C16orf96: variants seen among roughly 807,000 people sequenced by gnomAD.
The protein encoded by C16orf96 is uncharacterized protein C16orf96.
In C16orf96, 108 loss-of-function variants were observed where a neutral mutation model predicts 103.6. The ratio of observed to expected loss-of-function variants is 1.04; its 90% CI spans 0.89 to 1.22. The LOEUF (loss-of-function observed/expected upper bound fraction) is 1.22. C16orf96 is among the 50% of genes most tolerant of loss of function. C16orf96 has a pLI of 0.00. For synonymous variants in C16orf96, 566 were observed against 593.5 expected, an observed-to-expected ratio of 0.95 and a Z score of 0.67; for missense variants, 1,586 against 1,464.2, an observed-to-expected ratio of 1.08 and a Z score of -1.36.
chr16:4,577,765 G>A (rs547511454), intron 5 of C16orf96, among the ~76,000 whole-genome samples: 1 of 152,180 alleles, frequency 6.6e-6, no homozygotes, highest in Non-Finnish European at 1.5e-5. Context: ...AGACCAGCCT[G>A]GCCAACATAG....
intron 9 of C16orf96, among the ~76,000 whole-genome samples, chr16:4,588,701 C>CTTTTTTTTTTTTTTTTTTTT: frequency 1.2e-5 from 1 of 80,294 alleles, no homozygotes. Flanking sequence ...GCAGCAATGT[C>CTTTTTTTTTTTTTTTTTTTT]TTTTTTTTTT....
At chr16:4,548,983 C>A in the C16orf96 span, among the ~76,000 whole-genome samples, 1 of 152,056 alleles carries the variant, frequency 6.6e-6, no homozygotes, top group African/African-American at 2.4e-5. Context: ...CCTTCCTTGC[C>A]TTTCCTTTCC....
At chr16:4,585,548 G>GCCTCC (rs1896905074) in intron 7 of C16orf96, among the ~76,000 whole-genome samples, 1 of 152,224 alleles carries the variant, frequency 6.6e-6, no homozygotes, top group Non-Finnish European at 1.5e-5. Context: ...GGGCTGGGAG[G>GCCTCC]GGGCCTGGAG....
chr16:4,563,010 T>C, intron 1 of C16orf96: 1 of 1,047,292 alleles, frequency 9.5e-7, no homozygotes, highest in Non-Finnish European at 1.5e-6. Context: ...CTGAAACATG[T>C]TACCATCTCT....
chr16:4,588,266 G>T lies in C16orf96; in HGVS notation c.2527G>T (p.Val843Phe). ...GATGATTCAGGGCATACTCTTCAAG[G>T]TCACGATCCATGAGGACAGCTGGAA... ...NEMIQGILFK[V>F]TIHEDSWKKA... Residue 843 changes from valine to phenylalanine, a missense_variant, in exon 9 of 16, where the codon GTC (valine) becomes TTC (phenylalanine). By Grantham distance (50) the Val-to-Phe change is conservative (BLOSUM62 -1). Coordinates refer to ENST00000444310, the MANE Select transcript of C16orf96 (RefSeq NM_001145011.2). The T allele has an allele frequency of 6.4e-7, 1 of 1,551,748 alleles. No homozygotes were observed. The highest frequency in any genetic ancestry group is 2.0e-5 in the Admixed American group (1 of 51,004).
intron 1 of C16orf96, among the ~76,000 whole-genome samples, chr16:4,563,842 T>G (rs963739497): frequency 4.6e-5 from 7 of 150,930 alleles, no homozygotes; most frequent in African/African-American, 1.7e-4. Flanking sequence ...GTGCTGGGAT[T>G]ACAGGCATGA....
intron 14 of C16orf96, among the ~76,000 whole-genome samples, chr16:4,595,690 T>TGTTG (rs1555440702): frequency 3.3e-5 from 5 of 150,720 alleles, no homozygotes; most frequent in South Asian, 2.1e-4. Context: ...ATTCTGGTTT[T>TGTTG]TTGTTGTTGT....
At chr16:4,563,047 CAG>C in intron 1 of C16orf96, 1 of 889,166 alleles carries the variant, frequency 1.1e-6, no homozygotes, top group Non-Finnish European at 1.9e-6. Context: ...CAGAAGATGA[CAG>C]AGCTCTCCAA....
In C16orf96 at chr16:4,593,392, C is replaced by T; in HGVS notation, c.2867+76C>T. 2 of 1,340,380 alleles carry T rather than the reference C, an allele frequency of 1.5e-6. No individual in the cohort carries two copies. Among genetic ancestry groups the T allele is most frequent in the Non-Finnish European group, 2.1e-6 (2 of 966,402 alleles). 83.0% of individuals were successfully genotyped at this position (1,340,380 alleles called of 1,614,324 possible). On this transcript the variant is annotated intron_variant, in intron 12 of 15. Transcript: ENST00000444310. This position sits in a 1 kb window ranked among gnomAD's most constrained non-coding sequence, Gnocchi z 4.2. The stretch of plus-strand genomic sequence containing the variant: ...CTGGAGCCTGGGAACCCTGTTCCTG[C>T]AGAGACACATCCTCCAGGCCCAGGG...
At chr16:4,582,306 AAATAAATAAATAAATAAAT>A (rs1555506468) in intron 7 of C16orf96, among the ~76,000 whole-genome samples, 3 of 20,700 alleles carry the variant, frequency 1.4e-4, no homozygotes, top group Non-Finnish European at 8.5e-4. Flanking sequence ...ATAAATAAAT[AAATAAATAAATAAATAAAT>A]AATAACCCAC....
At chr16:4,596,586 G>A (rs983764113) in intron 14 of C16orf96, among the ~76,000 whole-genome samples, 1 of 152,112 alleles carries the variant, frequency 6.6e-6, no homozygotes, top group African/African-American at 2.4e-5. Context: ...GGAGGCTGAG[G>A]CAGGAGGATC....
chr16:4,587,968 C>T (rs1031805817), intron 8 of C16orf96, among the ~76,000 whole-genome samples, 199 bp from the exon 9 acceptor site: 4 of 152,106 alleles, frequency 2.6e-5, no homozygotes, highest in Non-Finnish European at 4.4e-5. Context: ...AATACATCAA[C>T]TTCCCTGTTA....
At chr16:4,588,064 G>C (rs1175082473) in intron 8 of C16orf96, 103 bp from the exon 9 acceptor site, 1 of 1,211,860 alleles carries the variant, frequency 8.3e-7, no homozygotes, top group African/African-American at 1.5e-5. Flanking sequence ...TAAAAGTCCA[G>C]AGTCCCAAAC....
chr16:4,563,562 T>C (rs1315931383), intron 1 of C16orf96, among the ~76,000 whole-genome samples: 1 of 151,320 alleles, frequency 6.6e-6, no homozygotes, highest in African/African-American at 2.4e-5. Context: ...TCTGTTAACC[T>C]TTTTTTTGTT....
At chr16:4,591,844 C>G in intron 10 of C16orf96, 60 bp downstream of exon 10, 1 of 1,295,948 alleles carries the variant, frequency 7.7e-7, no homozygotes, top group Non-Finnish European at 1.1e-6. Context: ...GTGGGGAACA[C>G]ACCCTGGAAG....
rs770945405 is a variant in C16orf96, at chr16:4,576,451, C to T, written c.1971C>T (p.Ile657=). 8.4e-6 allele frequency: 13 copies of T among 1,551,256 alleles called. No homozygotes were observed. The highest frequency in any genetic ancestry group is 3.9e-5 in the Admixed American group (2 of 50,982). ...CTCCCTCCTACTCTGCTGCCAGCAT[C>T]GGTCCCGATCCAGCCCTGTCCCAGG... is the stretch of plus-strand genomic sequence containing the variant. The part of the protein sequence containing the change: ...ILSPSYSAAS[I]GPDPALSQAM... The change falls in exon 5 of 16, where the codon ATC becomes ATT. Residue 657 remains isoleucine, a synonymous_variant. Coordinates refer to ENST00000444310, the MANE Select transcript of C16orf96 (RefSeq NM_001145011.2).
chr16:4,570,634 T>C (rs541032128), intron 1 of C16orf96, among the ~76,000 whole-genome samples: 11 of 152,098 alleles, frequency 7.2e-5, no homozygotes, highest in African/African-American at 2.7e-4. Context: ...ACTGCTAAGT[T>C]TTTTTGTATT....
At chr16:4,581,856 TGA>T (rs2059592665) in intron 7 of C16orf96, among the ~76,000 whole-genome samples, 1 of 151,868 alleles carries the variant, frequency 6.6e-6, no homozygotes, top group Non-Finnish European at 1.5e-5. Flanking sequence ...CCTGGGAGGC[TGA>T]GGTGGGAGGA....
chr16:4,576,295 C>G lies in C16orf96; in HGVS notation c.1815C>G (p.Ala605=). 2.6e-6 allele frequency: 4 copies of G among 1,550,808 alleles called. No homozygotes were observed. Among genetic ancestry groups the G allele is most frequent in the Non-Finnish European group, 2.6e-6 (3 of 1,147,010 alleles). The change falls in exon 5 of 16, where the codon GCC becomes GCG. Residue 605 remains alanine (A), a synonymous_variant. Coordinates refer to ENST00000444310, the MANE Select transcript of C16orf96 (RefSeq NM_001145011.2). The part of the protein sequence containing the change: ...FVKDAPATKM[A]AIATDTAAAG... The stretch of plus-strand genomic sequence containing the variant: ...AGGATGCCCCAGCCACCAAAATGGC[C>G]GCCATTGCAACAGACACGGCTGCAG...
Sources: gnomAD v4.1 joint callset for allele counts (sites outside exome capture counted in the v4.1 genomes callset) on GRCh38, gnomAD v4.1.1 for gene constraint, Gnocchi (gnomAD v3.1) non-coding constraint, MANE v1.5 for transcripts, NCBI Gene and HGNC (gene_info 2026-07-23, HGNC 2026-07-21) for gene names.